PPP3R1: variants seen among roughly 807,000 people sequenced by gnomAD.
PPP3R1 encodes the protein protein phosphatase 3 regulatory subunit B, alpha.
A neutral mutation model predicts 22.6 loss-of-function variants in PPP3R1; 5 were observed. The observed-to-expected ratio is 0.22, with a 90% CI of 0.12 to 0.46. PPP3R1 has a LOEUF of 0.46. Ranked by LOEUF, PPP3R1 falls within the 20% of genes least tolerant of loss-of-function variation. The pLI is 0.99. For missense variants in PPP3R1, 61 were observed against 203.2 expected, an observed-to-expected ratio of 0.30 and a Z score of 4.25; for synonymous variants, 56 against 65.2, an observed-to-expected ratio of 0.86 and a Z score of 0.68.
chr2:68,250,889 A>G (rs1281255570), intron 1 of PPP3R1: 1 of 152,248 alleles, frequency 6.6e-6, no homozygotes, highest in Non-Finnish European at 1.5e-5. Context: ...TGTAAGCAAC[A>G]GCATTCCTCC....
chr2:68,198,143 T>C (rs1283492868), intron 2 of PPP3R1, among the ~76,000 whole-genome samples: 3 of 132,582 alleles, frequency 2.3e-5, no homozygotes, highest in Non-Finnish European at 4.8e-5. Context: ...TGTTTACATA[T>C]ACAATACACA....
intron 2 of PPP3R1, among the ~76,000 whole-genome samples, chr2:68,211,947 C>A (rs1486419580): frequency 2.6e-5 from 4 of 152,196 alleles, no homozygotes; most frequent in Non-Finnish European, 1.5e-5. Context: ...ACCATGAAAG[C>A]CCTGAACCCC....
chr2:68,221,917 A>AT (rs201532231), intron 1 of PPP3R1, among the ~76,000 whole-genome samples: 3,857 of 152,156 alleles, frequency 0.025, 149 homozygotes, highest in African/African-American at 0.085. Context: ...CTTTTTCCAG[A>AT]TAACAAAAAC....
At chr2:68,246,329 T>C (rs1670236681) in intron 1 of PPP3R1, among the ~76,000 whole-genome samples, 1 of 152,038 alleles carries the variant, frequency 6.6e-6, no homozygotes, top group African/African-American at 2.4e-5. Context: ...CGCCTCAGCC[T>C]CCCAAAGTGC....
At chr2:68,200,681 T>C (rs1004440722) in intron 2 of PPP3R1, among the ~76,000 whole-genome samples, 1 of 152,216 alleles carries the variant, frequency 6.6e-6, no homozygotes, top group Non-Finnish European at 1.5e-5. Flanking sequence ...GTTAGTTCCA[T>C]CTGAAGAGTC....
intron 1 of PPP3R1, 30 bp downstream of exon 1, chr2:68,252,095 G>T (rs372298850): frequency 1.4e-6 from 2 of 1,423,728 alleles, no homozygotes; most frequent in Non-Finnish European, 1.9e-6. Context: ...TAGGGGGAGG[G>T]ATGGTGCATC....
intron 2 of PPP3R1, among the ~76,000 whole-genome samples, chr2:68,205,841 G>A (rs966955934): frequency 1.1e-4 from 17 of 151,094 alleles, no homozygotes; most frequent in Non-Finnish European, 2.2e-4. Context: ...TTTTTTGAGA[G>A]GGGGTTTCGC....
intron 2 of PPP3R1, among the ~76,000 whole-genome samples, chr2:68,195,474 T>C (rs972787101): frequency 1.4e-4 from 21 of 152,096 alleles, no homozygotes; most frequent in Non-Finnish European, 2.9e-4. Flanking sequence ...CCACTATAAA[T>C]CTACCATCTT....
intron 3 of PPP3R1, 98 bp from the exon 4 acceptor site, chr2:68,187,412 T>C: frequency 9.2e-7 from 1 of 1,088,416 alleles, no homozygotes; most frequent in Non-Finnish European, 1.3e-6. Context: ...ATTTCCTTGC[T>C]GCAAAACAGA....
At chr2:68,230,859 T>C (rs889585388) in intron 1 of PPP3R1, among the ~76,000 whole-genome samples, 10 of 152,220 alleles carry the variant, frequency 6.6e-5, no homozygotes, top group African/African-American at 2.4e-4. Flanking sequence ...CCTGCTATCA[T>C]TTGAACTGTT....
chr2:68,198,354 T>TAC (rs1674869076), intron 2 of PPP3R1, among the ~76,000 whole-genome samples: 1 of 54,822 alleles, frequency 1.8e-5, no homozygotes, highest in Admixed American at 1.7e-4. Flanking sequence ...TGTATATGCA[T>TAC]ATATATGTAC....
intron 2 of PPP3R1, among the ~76,000 whole-genome samples, chr2:68,190,522 C>T (rs1030041905): frequency 6.6e-6 from 1 of 152,004 alleles, no homozygotes; most frequent in Non-Finnish European, 1.5e-5. Context: ...GCTGAGATCG[C>T]GCCATTGAAC....
intron 1 of PPP3R1, among the ~76,000 whole-genome samples, chr2:68,246,895 G>C (rs1670246601): frequency 6.6e-6 from 1 of 152,148 alleles, no homozygotes; most frequent in African/African-American, 2.4e-5. Context: ...ATGAGCTCCA[G>C]ATATAGGTAG....
intron 2 of PPP3R1, among the ~76,000 whole-genome samples, chr2:68,198,392 T>C (rs58968614): frequency 0.11 from 5,638 of 53,056 alleles, 940 homozygotes; most frequent in African/African-American, 0.41. Context: ...TGCATATATA[T>C]GTATATATAT....
At chr2:68,207,882 G>A (rs921557155) in intron 2 of PPP3R1, among the ~76,000 whole-genome samples, 5 of 152,206 alleles carry the variant, frequency 3.3e-5, no homozygotes, top group Admixed American at 3.3e-4. Flanking sequence ...ATTGCAGGGC[G>A]CAGTGGCTCA....
chr2:68,213,559 A>G (rs1386414001), intron 2 of PPP3R1, among the ~76,000 whole-genome samples: 3 of 152,202 alleles, frequency 2.0e-5, no homozygotes, highest in African/African-American at 4.8e-5. Flanking sequence ...ATACAGATAT[A>G]ATAATGAAAA....
intron 1 of PPP3R1, among the ~76,000 whole-genome samples, chr2:68,240,127 C>G (rs567833616): frequency 2.6e-4 from 39 of 152,330 alleles, no homozygotes; most frequent in African/African-American, 9.1e-4. Flanking sequence ...GTAACCCCAA[C>G]GTAAGTCAAG....
intron 1 of PPP3R1, among the ~76,000 whole-genome samples, chr2:68,223,693 CTCTA>C (rs1014097338): frequency 6.6e-6 from 1 of 151,732 alleles, no homozygotes; most frequent in Non-Finnish European, 1.5e-5. Context: ...AGGACTATTT[CTCTA>C]TCTATAAAAG....
chr2:68,235,520 G>A (rs1403694673), intron 1 of PPP3R1, among the ~76,000 whole-genome samples: 1 of 152,146 alleles, frequency 6.6e-6, no homozygotes, highest in East Asian at 1.9e-4. Flanking sequence ...TTAATCTAAT[G>A]TGTTGTAACA....
Sources: allele counts gnomAD v4.1 joint callset (sites outside exome capture counted in the v4.1 genomes callset), GRCh38; gene constraint gnomAD v4.1.1; transcripts MANE v1.5; gene names NCBI Gene and HGNC (gene_info 2026-07-23, HGNC 2026-07-21).